U2AF2: variants seen among roughly 807,000 people sequenced by gnomAD.
The protein encoded by U2AF2 is splicing factor U2AF 65 kDa subunit.
A neutral mutation model predicts 52.6 loss-of-function variants in U2AF2; 6 were observed. The observed-to-expected ratio is 0.11, with a 90% confidence interval of 0.06 to 0.23. The LOEUF (loss-of-function observed/expected upper bound fraction) is 0.23, where lower values mean the gene tolerates loss of function less well. Ranked by LOEUF, U2AF2 falls within the 10% of genes least tolerant of loss-of-function variation. The probability of loss-of-function intolerance (pLI) is 1.00; values close to 1 mark genes in which losing one functional copy is unlikely to be tolerated. For synonymous variants in U2AF2, 284 were observed against 258.2 expected (o/e 1.10, Z -0.96); for missense variants, 222 against 677.1 (o/e 0.33, Z 7.46).
chr19:55,667,014 G>A (rs1453588061), intron 7 of U2AF2, among the ~76,000 whole-genome samples: 1 of 152,176 alleles, frequency 6.6e-6, no homozygotes, highest in African/African-American at 2.4e-5. Flanking sequence ...CTGGCCCATG[G>A]GGTGAGTGCC....
intron 5 of U2AF2, 123 bp downstream of exon 5, chr19:55,661,312 C>A: frequency 8.8e-7 from 1 of 1,137,794 alleles, no homozygotes; most frequent in South Asian, 2.2e-5. Context: ...CCCCCGGCCC[C>A]CTCCCAGACG....
intron 7 of U2AF2, among the ~76,000 whole-genome samples, chr19:55,665,196 T>G (rs896797716): frequency 6.6e-6 from 1 of 152,272 alleles, no homozygotes; most frequent in Non-Finnish European, 1.5e-5. Context: ...TCATTCATTT[T>G]AAGTCCCATG....
chr19:55,663,850 T>C (rs953631222), intron 7 of U2AF2, 106 bp downstream of exon 7: 19 of 1,504,338 alleles, frequency 1.3e-5, no homozygotes, highest in African/African-American at 5.6e-5. Flanking sequence ...GTGTAAGTAC[T>C]GTGGAAGATA....
rs754093734 is a variant in U2AF2, at chr19:55,668,598, G to A, written c.822+12G>A. ...TGAACGATGACCAGGTAACTTCCCT[G>A]CCTCCCTCCAGACCCGTCCCCCCAC... On this transcript the variant is annotated intron_variant, in intron 8 of 11. Coordinates refer to ENST00000308924, the MANE Select transcript of U2AF2 (RefSeq NM_007279.3). This position sits in a 1 kb window ranked among gnomAD's most constrained non-coding sequence, Gnocchi z 5.5. 1.2e-6 allele frequency: 2 copies of A among 1,604,702 alleles called. No individual in the cohort carries two copies. Among genetic ancestry groups the A allele is most frequent in the Non-Finnish European group, 1.7e-6 (2 of 1,174,466 alleles).
rs1290075653 is a variant in U2AF2 at position 55,672,395 on chromosome 19, C to T, written c.1294-1539C>T. 2.6e-5 allele frequency among the ~76,000 whole-genome samples: 4 copies of T among 151,942 alleles called. No homozygotes were observed. In the South Asian group the frequency reaches 8.3e-4, roughly 32 times the overall value. Reference sequence around the variant, plus strand: ...TTATCAGGTTTATTTCACCTGAGATCCTTAAGTATATTTCTATTATTTCTC... The same window carrying T: ...TTATCAGGTTTATTTCACCTGAGATTCTTAAGTATATTTCTATTATTTCTC... On this transcript the variant is annotated intron_variant, in intron 11 of 11. Coordinates refer to ENST00000308924, the MANE Select transcript of U2AF2 (RefSeq NM_007279.3).
chr19:55,656,878 T>C (rs1246403213), intron 1 of U2AF2, among the ~76,000 whole-genome samples: 2 of 152,218 alleles, frequency 1.3e-5, no homozygotes, highest in African/African-American at 2.4e-5. Flanking sequence ...GGTCTTCCGC[T>C]CACAGAGATT....
chr19:55,667,855 G>A (rs1015218005), intron 7 of U2AF2, among the ~76,000 whole-genome samples: 3 of 151,160 alleles, frequency 2.0e-5, no homozygotes, highest in African/African-American at 7.3e-5. Context: ...GAGTGATCTC[G>A]GCTCACTGCA....
intron 1 of U2AF2, among the ~76,000 whole-genome samples, chr19:55,658,452 G>T (rs1216000211): frequency 6.6e-6 from 1 of 152,150 alleles, no homozygotes; most frequent in East Asian, 1.9e-4. Flanking sequence ...GAGGGAGCCT[G>T]CTGGAGGCTG....
At chr19:55,660,336 A>G (rs755570609) in intron 3 of U2AF2, 115 bp downstream of exon 3, 6 of 1,283,170 alleles carry the variant, frequency 4.7e-6, no homozygotes, top group Non-Finnish European at 6.5e-6. Flanking sequence ...GGAAGAGTCC[A>G]CTTACCTTGA....
chr19:55,669,359 G>T (rs556220780), intron 10 of U2AF2, 85 bp from the exon 11 acceptor site: 31 of 1,543,946 alleles, frequency 2.0e-5, no homozygotes, highest in South Asian at 2.0e-4. Flanking sequence ...TTTCCCCTGG[G>T]GGGGCATGTG....
chr19:55,659,123 T>C, intron 1 of U2AF2, 87 bp from the exon 2 acceptor site: 2 of 1,408,602 alleles, frequency 1.4e-6, no homozygotes, highest in Non-Finnish European at 1.9e-6. Flanking sequence ...TCCCTGGGGC[T>C]TGGGACATAG....
At chr19:55,671,031 G>A (rs553015338) in intron 11 of U2AF2, among the ~76,000 whole-genome samples, 10 of 152,320 alleles carry the variant, frequency 6.6e-5, no homozygotes, top group African/African-American at 2.4e-4. Context: ...CAGATCGGGC[G>A]TGGGGGCCTT....
intron 1 of U2AF2, 51 bp downstream of exon 1, chr19:55,655,204 C>G (rs780791923): frequency 6.5e-7 from 1 of 1,544,438 alleles, no homozygotes; most frequent in African/African-American, 1.4e-5. Flanking sequence ...CCTCGCGTCG[C>G]TCTTTGCCCC....
Position 55,674,287 on chromosome 19 carries a change from C to T in U2AF2, c.*219C>T. The T allele has an allele frequency of 1.9e-6, 1 of 534,752 alleles. No homozygotes were observed. Among genetic ancestry groups the T allele is most frequent in the Non-Finnish European group, 3.3e-6 (1 of 300,762 alleles). The allele number at this position is 534,752 out of a possible 1,614,324, so 33.1% of individuals were successfully genotyped here. A position where few individuals can be genotyped will look rare whatever the true frequency, so the allele number is the denominator to read the frequency against. On this transcript the variant is annotated 3_prime_UTR_variant, in exon 12 of 12. Transcript: ENST00000308924. ...GGACTGGGGAAGTGCGCACACAGCC[C>T]ACACAGACAACACGCACCCACACAG...
intron 7 of U2AF2, 170 bp downstream of exon 7, chr19:55,663,914 G>A: frequency 1.0e-6 from 1 of 952,448 alleles, no homozygotes; most frequent in Non-Finnish European, 1.5e-6. Context: ...CTCTCCTGCT[G>A]GTAGAGAAGG....
In U2AF2 at chr19:55,660,145, C is replaced by T. The variant is rs573717960; in HGVS notation, c.186-32C>T. 1.4e-5 allele frequency: 23 copies of T among 1,588,070 alleles called. No individual in the cohort carries two copies. The African/African-American group carries it at 1.6e-4, about 11-fold the overall frequency. On this transcript the variant is annotated intron_variant, in intron 2 of 11. Coordinates refer to ENST00000308924, the MANE Select transcript of U2AF2 (RefSeq NM_007279.3). The stretch of plus-strand genomic sequence containing the variant: ...GGGGAAGACGAGGGTCCCCAGTCAC[C>T]CCTCCCCATACCTTTCCCTCCCACC...
chr19:55,655,551 C>A (rs1259037185), intron 1 of U2AF2, among the ~76,000 whole-genome samples: 1 of 152,272 alleles, frequency 6.6e-6, no homozygotes, highest in Non-Finnish European at 1.5e-5. Context: ...TTGGCACTTC[C>A]GCTTCCGGTC....
intron 7 of U2AF2, among the ~76,000 whole-genome samples, chr19:55,665,612 C>G (rs1984500485): frequency 6.6e-6 from 1 of 152,234 alleles, no homozygotes; most frequent in Non-Finnish European, 1.5e-5. Flanking sequence ...CAGGTTACAA[C>G]TGAGAGTCCA....
At chr19:55,672,233 G>A (rs552071892) in intron 11 of U2AF2, among the ~76,000 whole-genome samples, 9 of 152,054 alleles carry the variant, frequency 5.9e-5, no homozygotes, top group African/African-American at 1.2e-4. Flanking sequence ...ATAGTGATAC[G>A]TTTTTATCAT....
Sources: allele counts gnomAD v4.1 joint callset (sites outside exome capture counted in the v4.1 genomes callset), GRCh38; gene constraint gnomAD v4.1.1; non-coding constraint Gnocchi (gnomAD v3.1); transcripts MANE v1.5; gene names NCBI Gene and HGNC (gene_info 2026-07-23, HGNC 2026-07-21).